MAP2K5: variants seen among roughly 807,000 people sequenced by gnomAD.
MAP2K5 encodes the protein mitogen-activated protein kinase kinase 5.
In MAP2K5, 49 loss-of-function variants were observed where a neutral mutation model predicts 83.1. That is an observed-to-expected ratio of 0.59 (90% CI 0.47 to 0.75). MAP2K5 has a LOEUF of 0.75. Ranked by LOEUF, MAP2K5 falls within the 30% of genes least tolerant of loss-of-function variation. MAP2K5 has a pLI of 0.00. For synonymous variants in MAP2K5, 202 were observed against 191.8 expected, an observed-to-expected ratio of 1.05 and a Z score of -0.44; for missense variants, 457 against 557.5, an observed-to-expected ratio of 0.82 and a Z score of 1.82.
intron 7 of MAP2K5, among the ~76,000 whole-genome samples, chr15:67,595,232 T>G (rs550455226): frequency 6.6e-6 from 1 of 152,322 alleles, no homozygotes; most frequent in African/African-American, 2.4e-5. Flanking sequence ...TATAAATATT[T>G]ATTTCTTTTC....
chr15:67,721,458 T>C (rs976103510), intron 16 of MAP2K5, among the ~76,000 whole-genome samples: 1 of 152,220 alleles, frequency 6.6e-6, no homozygotes, highest in Admixed American at 6.5e-5. Context: ...AAACATTAGT[T>C]ACAAGCTCTC....
At chr15:67,642,023 G>T (rs1379335726) in intron 9 of MAP2K5, among the ~76,000 whole-genome samples, 3 of 152,250 alleles carry the variant, frequency 2.0e-5, no homozygotes, top group East Asian at 3.9e-4. Flanking sequence ...TACTTTATTT[G>T]TTTTTTCCAT....
At chr15:67,672,586 G>A (rs975350619) in intron 13 of MAP2K5, among the ~76,000 whole-genome samples, 3 of 150,424 alleles carry the variant, frequency 2.0e-5, no homozygotes, top group African/African-American at 7.4e-5. Context: ...AGTAGGTTGT[G>A]AAAATTTTCT....
In MAP2K5 at chr15:67,768,636, A is replaced by G. The variant is rs1205874842; in HGVS notation, c.1135-966A>G. On this transcript the variant is annotated intron_variant, in intron 19 of 21. Transcript: ENST00000178640. The surrounding 1 kb of genome is among the most constrained non-coding windows in gnomAD (Gnocchi z 4.0). ...TTTGTGTAGGGATGTCAGGGAGGAA[A>G]AAAGCCGCCGAAAGGTATTTTTAAT... Among the ~76,000 whole-genome samples, 1 of 152,154 alleles carries G rather than the reference A, an allele frequency of 6.6e-6. No individual in the cohort carries two copies. Among genetic ancestry groups the G allele is most frequent in the African/African-American group, 2.4e-5 (1 of 41,434 alleles).
At chr15:67,669,296 G>A (rs2087468004) in intron 13 of MAP2K5, among the ~76,000 whole-genome samples, 1 of 152,104 alleles carries the variant, frequency 6.6e-6, no homozygotes, top group African/African-American at 2.4e-5. Context: ...AAAATACGGA[G>A]TGTGTTAGAG....
At chr15:67,556,196 C>A (rs2084620727) in intron 2 of MAP2K5, among the ~76,000 whole-genome samples, 1 of 152,094 alleles carries the variant, frequency 6.6e-6, no homozygotes, top group Non-Finnish European at 1.5e-5. Flanking sequence ...TAAGGTTGGC[C>A]CTTTGTCTTG....
chr15:67,622,991 A>G (rs955955156), intron 8 of MAP2K5, among the ~76,000 whole-genome samples: 3 of 152,032 alleles, frequency 2.0e-5, no homozygotes, highest in Non-Finnish European at 4.4e-5. Flanking sequence ...AGTCCCAGCT[A>G]CTCGGGAGGC....
intron 19 of MAP2K5, among the ~76,000 whole-genome samples, chr15:67,768,000 C>G (rs2090072349): frequency 6.6e-6 from 1 of 152,126 alleles, no homozygotes; most frequent in African/African-American, 2.4e-5. Context: ...GACAGATATG[C>G]AAAAACCAAG....
intron 9 of MAP2K5, among the ~76,000 whole-genome samples, chr15:67,639,763 T>G (rs764839917): frequency 2.0e-5 from 3 of 152,260 alleles, no homozygotes; most frequent in Non-Finnish European, 4.4e-5. Context: ...TCTTTTAAGT[T>G]GAACTCGTTG....
intron 1 of MAP2K5, among the ~76,000 whole-genome samples, chr15:67,547,077 A>AACACACACACCACACACACACACAC (rs2084404024): frequency 6.9e-6 from 1 of 144,092 alleles, no homozygotes; most frequent in African/African-American, 2.6e-5. Context: ...AAAAGAAGAA[A>AACACACACACCACACACACACACAC]ACACACACAC....
intron 21 of MAP2K5, among the ~76,000 whole-genome samples, chr15:67,797,286 C>T (rs1163027020): frequency 6.6e-6 from 1 of 152,176 alleles, no homozygotes; most frequent in Non-Finnish European, 1.5e-5. Flanking sequence ...CACATGCTTG[C>T]CAGTTACTCC....
chr15:67,743,134 C>G (rs2089530651), intron 17 of MAP2K5, among the ~76,000 whole-genome samples: 1 of 152,196 alleles, frequency 6.6e-6, no homozygotes, highest in Non-Finnish European at 1.5e-5. Flanking sequence ...TTGCTAAATT[C>G]AGGGATATGT....
chr15:67,726,365 G>A (rs1596864525), intron 16 of MAP2K5, among the ~76,000 whole-genome samples: 1 of 152,252 alleles, frequency 6.6e-6, no homozygotes, highest in African/African-American at 2.4e-5. Context: ...TTTAGTTTTT[G>A]TATGTGGCTT....
At chr15:67,549,010 A>G (rs2084453169) in intron 1 of MAP2K5, 2 of 1,425,294 alleles carry the variant, frequency 1.4e-6, no homozygotes, top group Admixed American at 2.9e-5. Context: ...AGTTGCAGCC[A>G]CTCTGCTAAG....
intron 8 of MAP2K5, 66 bp from the exon 9 acceptor site, chr15:67,630,822 T>G: frequency 8.7e-7 from 1 of 1,149,880 alleles, no homozygotes; most frequent in Non-Finnish European, 1.3e-6. Context: ...TTTACATTTA[T>G]GTCCTTAACC....
chr15:67,569,019 A>C (rs375597060), intron 3 of MAP2K5, among the ~76,000 whole-genome samples: 2,466 of 132,082 alleles, frequency 0.019, 19 homozygotes, highest in African/African-American at 0.033. Flanking sequence ...AAAAAAAAAA[A>C]CAAAAAAAAA....
intron 17 of MAP2K5, among the ~76,000 whole-genome samples, chr15:67,732,662 AT>A (rs372445279): frequency 0.022 from 3,191 of 146,788 alleles, 104 homozygotes; most frequent in African/African-American, 0.076. Context: ...TTTAAATTTC[AT>A]TTTTTTTTTC....
intron 21 of MAP2K5, among the ~76,000 whole-genome samples, chr15:67,792,200 G>A (rs779965238): frequency 1.3e-5 from 2 of 152,170 alleles, no homozygotes; most frequent in South Asian, 2.1e-4. Flanking sequence ...AAACTAGGAC[G>A]TTGCTAAGAC....
rs543438078 is a variant in MAP2K5 at position 67,695,661 on chromosome 15, A to G, written c.972+2093A>G. On this transcript the variant is annotated intron_variant, in intron 15 of 21. Transcript: ENST00000178640. ...TTGCTCAACTACCCAGCATGTTCTT[A>G]GTAGCTTTAAATTCCTCTGATAATT... Among the ~76,000 whole-genome samples, 12 of 152,370 alleles carry G rather than the reference A, an allele frequency of 7.9e-5. 1 individual carries two copies. The South Asian group carries it at 2.5e-3, about 32-fold the overall frequency.
Sources: gnomAD v4.1 joint callset for allele counts (sites outside exome capture counted in the v4.1 genomes callset) on GRCh38, gnomAD v4.1.1 for gene constraint, Gnocchi (gnomAD v3.1) non-coding constraint, MANE v1.5 for transcripts, NCBI Gene and HGNC (gene_info 2026-07-23, HGNC 2026-07-21) for gene names.